The following FGD5 variants were observed in gnomAD, a reference collection of about 807,000 sequenced individuals.
The protein encoded by FGD5 is FYVE, RhoGEF and PH domain containing 5.
Under a neutral mutation model 133.4 loss-of-function variants are expected in FGD5, and 28 were observed. The ratio of observed to expected loss-of-function variants is 0.21; its 90% CI spans 0.16 to 0.29. The LOEUF (loss-of-function observed/expected upper bound fraction) is 0.29, where lower values mean the gene tolerates loss of function less well. Among genes scored for constraint, FGD5 ranks in the 10% least tolerant of loss-of-function variants. The pLI, the probability that FGD5 is intolerant of heterozygous loss-of-function variation, is 1.00. For missense variants in FGD5, 1,858 were observed against 1,895.2 expected, an observed-to-expected ratio of 0.98 and a Z score of 0.36; for synonymous variants, 810 against 776.5, an observed-to-expected ratio of 1.04 and a Z score of -0.72.
At chr3:14,861,236 A>C (rs567359800) in intron 1 of FGD5, among the ~76,000 whole-genome samples, 1 of 152,246 alleles carries the variant, frequency 6.6e-6, no homozygotes, top group African/African-American at 2.4e-5. Flanking sequence ...AAGAAAGCTG[A>C]CGTTTATTGA....
chr3:14,879,374 G>A (rs1378537947), intron 2 of FGD5, among the ~76,000 whole-genome samples: 1 of 152,206 alleles, frequency 6.6e-6, no homozygotes, highest in Non-Finnish European at 1.5e-5. Flanking sequence ...TCTGATATCC[G>A]GCAGGTTTGG....
At chr3:14,847,129 C>T (rs907242449) in intron 1 of FGD5, among the ~76,000 whole-genome samples, 1 of 152,196 alleles carries the variant, frequency 6.6e-6, no homozygotes, top group Admixed American at 6.5e-5. Flanking sequence ...TAACACCATA[C>T]TGATAAAGAC....
At chr3:14,883,275 A>G (rs2037861339) in intron 4 of FGD5, among the ~76,000 whole-genome samples, 1 of 152,184 alleles carries the variant, frequency 6.6e-6, no homozygotes. Flanking sequence ...GTGGGTCACA[A>G]AGCTTAAAAT....
At chr3:14,864,299 G>A (rs369773396) in intron 2 of FGD5, 39 bp downstream of exon 2, 115 of 1,612,926 alleles carry the variant, frequency 7.1e-5, no homozygotes, top group Non-Finnish European at 8.6e-5. Flanking sequence ...CATCGGAGAC[G>A]TGAGGGTGGA....
Position 14,823,964 on chromosome 3 carries a change from G to A in FGD5, c.2525+2368G>A, listed in dbSNP as rs185664319. Among the ~76,000 whole-genome samples the A allele has an allele frequency of 9.2e-5, 14 of 152,374 alleles. No homozygotes were observed. In the East Asian group the frequency reaches 2.5e-3, roughly 27 times the overall value. On this transcript the variant is annotated intron_variant, in intron 1 of 19. Coordinates refer to ENST00000285046, the MANE Select transcript of FGD5 (RefSeq NM_152536.4). ...ATCGTGACTGTTTACTGCGTGCCAA[G>A]CACTGTGCTAGGTGCTTTCTTTGCA...
At chr3:14,924,898 C>A (rs2013489) in intron 17 of FGD5, among the ~76,000 whole-genome samples, 6 of 151,846 alleles carry the variant, frequency 4.0e-5, no homozygotes, top group African/African-American at 1.5e-4. Flanking sequence ...TCGGGAGATC[C>A]AGACCATCTT....
In FGD5 at chr3:14,897,533, G is replaced by T; in HGVS notation, c.2773G>T (p.Ala925Ser). The change falls in exon 5 of 20, where the codon GCC becomes TCC. Residue 925 changes from alanine to serine, a missense_variant. By Grantham distance (99) the Ala-to-Ser change is moderately conservative (BLOSUM62 1). Transcript: ENST00000285046. ...GGATTTCCATGGAGCTGTCATGAGGGCCTTGGATGACATGGACCATGAAGG... is the reference window on the plus strand; with the variant it reads ...GGATTTCCATGGAGCTGTCATGAGGTCCTTGGATGACATGGACCATGAAGG... The part of the protein sequence containing the change: ...NLDFHGAVMR[A>S]LDDMDHEGRD... The T allele has an allele frequency of 6.2e-7, 1 of 1,606,138 alleles. No individual in the cohort carries two copies. Among genetic ancestry groups the T allele is most frequent in the Non-Finnish European group, 8.5e-7 (1 of 1,176,402 alleles).
chr3:14,812,619 C>G (rs2036310844), intron 1 of FGD5, among the ~76,000 whole-genome samples: 1 of 152,170 alleles, frequency 6.6e-6, no homozygotes, highest in Non-Finnish European at 1.5e-5. Context: ...TGATACCAGC[C>G]TCACATTCAG....
At chr3:14,903,446 GCACCCACTAACTCGT>G (rs1486588382) in intron 9 of FGD5, among the ~76,000 whole-genome samples, 1 of 151,180 alleles carries the variant, frequency 6.6e-6, no homozygotes, top group Non-Finnish European at 1.5e-5. Context: ...CTGGTGCGCT[GCACCCACTAACTCGT>G]CATCTAGCAT....
intron 1 of FGD5, among the ~76,000 whole-genome samples, chr3:14,843,132 T>C (rs1209254280): frequency 2.6e-5 from 4 of 152,242 alleles, no homozygotes; most frequent in African/African-American, 7.2e-5. Flanking sequence ...TATTTTCTCA[T>C]GTTTGACATT....
chr3:14,822,457 A>G (rs2036522833), intron 1 of FGD5, among the ~76,000 whole-genome samples: 1 of 152,014 alleles, frequency 6.6e-6, no homozygotes, highest in African/African-American at 2.4e-5. Flanking sequence ...TAAATTACTG[A>G]ATGGAAGTCT....
chr3:14,904,737 G>C (rs1248874304), intron 9 of FGD5, among the ~76,000 whole-genome samples: 7 of 152,166 alleles, frequency 4.6e-5, no homozygotes, highest in Admixed American at 3.3e-4. Flanking sequence ...TGACAGCAAA[G>C]AAATATATGT....
chr3:14,907,612 C>T, intron 9 of FGD5, 28 bp from the exon 10 acceptor site: 2 of 1,607,772 alleles, frequency 1.2e-6, no homozygotes, highest in Non-Finnish European at 1.7e-6. Context: ...CCCTGACCAT[C>T]TCTCCCTCAC....
chr3:14,863,830 A>G (rs1005762364), intron 1 of FGD5, among the ~76,000 whole-genome samples: 1 of 152,182 alleles, frequency 6.6e-6, no homozygotes, highest in Non-Finnish European at 1.5e-5. Flanking sequence ...ACCCAGATTC[A>G]ACATCTTCTG....
intron 2 of FGD5, among the ~76,000 whole-genome samples, chr3:14,864,841 A>C (rs576998049): frequency 5.9e-5 from 9 of 152,096 alleles, no homozygotes; most frequent in Admixed American, 3.3e-4. Flanking sequence ...TGATGGGGAT[A>C]ATATACACTC....
intron 2 of FGD5, among the ~76,000 whole-genome samples, chr3:14,867,267 G>A (rs1306213151): frequency 6.6e-6 from 1 of 152,178 alleles, no homozygotes; most frequent in Non-Finnish European, 1.5e-5. Context: ...AAGTAACTTA[G>A]TTGGGTTCCT....
chr3:14,837,658 TC>T, intron 1 of FGD5, among the ~76,000 whole-genome samples: 1 of 152,254 alleles, frequency 6.6e-6, no homozygotes, highest in African/African-American at 2.4e-5. Context: ...TTGCAGGCTT[TC>T]TGAATCAGCA....
At chr3:14,902,602 C>T (rs895365763) in intron 9 of FGD5, among the ~76,000 whole-genome samples, 1 of 152,186 alleles carries the variant, frequency 6.6e-6, no homozygotes, top group African/African-American at 2.4e-5. Flanking sequence ...GTGGGTCAGA[C>T]ATGCCCTTTT....
At chr3:14,817,273 G>GC (rs202004871), upstream of FGD5, among the ~76,000 whole-genome samples, 4,401 of 152,116 alleles carry the variant, frequency 0.029, 90 homozygotes, top group Admixed American at 0.045. Context: ...TTGGCTTATT[G>GC]CAACCTCTGT....
Sources: gnomAD v4.1 joint callset for allele counts (sites outside exome capture counted in the v4.1 genomes callset) on GRCh38, gnomAD v4.1.1 for gene constraint, MANE v1.5 for transcripts, NCBI Gene and HGNC (gene_info 2026-07-23, HGNC 2026-07-21) for gene names.